HCAR3: variants seen among roughly 807,000 people sequenced by gnomAD.
HCAR3 encodes hydroxycarboxylic acid receptor 3.
For missense variants in HCAR3, 404 were observed against 501.2 expected, an observed-to-expected ratio of 0.81 and a Z score of 1.85; for synonymous variants, 167 against 201.0, an observed-to-expected ratio of 0.83 and a Z score of 1.43.
Position 122,716,693 on chromosome 12 carries a change from C to T in HCAR3, c.45G>A (p.Lys15=), listed in dbSNP as rs374235993. 1 of 1,613,990 alleles carries T rather than the reference C, an allele frequency of 6.2e-7. No homozygotes were observed. The highest frequency in any genetic ancestry group is 8.5e-7 in the Non-Finnish European group (1 of 1,180,034). Residue 15 remains lysine, a synonymous_variant, in exon 1 of 1, where the codon AAG becomes AAA. Coordinates refer to ENST00000528880, the MANE Select transcript of HCAR3 (RefSeq NM_006018.3). ...HLQDHFLEID[K]KNCCVFRDDF... ...CATCTCGGAACACACAGCAGTTCTT[C>T]TTGTCTATTTCCAGAAAGTGATCCT...
chr12:122,716,239 A>T lies in HCAR3; in HGVS notation c.499T>A (p.Leu167Met), dbSNP rs754277119. 6.8e-6 allele frequency: 11 copies of T among 1,614,002 alleles called. No individual in the cohort carries two copies. In the East Asian group the frequency reaches 8.9e-5, roughly 13 times the overall value. The change falls in exon 1 of 1, where the codon TTG (leucine) becomes ATG (methionine). Residue 167 changes from leucine (L) to methionine (M), a missense_variant. Coordinates refer to ENST00000528880, the MANE Select transcript of HCAR3 (RefSeq NM_006018.3). ...GLTVHLLKKK[L>M]LIQNGTANVC... ...TTTGCAGTGCCATTCTGGATCAGCAACTTCTTCTTCAGGAGGTGGACTGTT... is the reference window on the plus strand; with the variant it reads ...TTTGCAGTGCCATTCTGGATCAGCATCTTCTTCTTCAGGAGGTGGACTGTT...
Position 122,716,195 on chromosome 12 carries a change from G to A in HCAR3, c.543C>T (p.Ser181=), listed in dbSNP as rs777311419. The A allele has an allele frequency of 3.1e-6, 5 of 1,614,024 alleles. No individual in the cohort carries two copies. Among genetic ancestry groups the A allele is most frequent in the Non-Finnish European group, 4.2e-6 (5 of 1,180,042 alleles). The change falls in exon 1 of 1, where the codon AGC becomes AGT. Residue 181 remains serine (S), a synonymous_variant. Coordinates refer to ENST00000528880, the MANE Select transcript of HCAR3 (RefSeq NM_006018.3). ...NGTANVCISF[S]ICHTFRWHEA... is the part of the protein sequence containing the mutation. The stretch of plus-strand genomic sequence containing the variant: ...CGTGCCACCGGAAGGTATGGCAGAT[G>A]CTGAAGCTGATGCACACATTTGCAG...
rs908747601 is a variant in HCAR3, at chr12:122,715,914, G to A, written c.824C>T (p.Ala275Val). The change falls in exon 1 of 1, where the codon GCG becomes GTG. Residue 275 changes from alanine (A) to valine (V), a missense_variant. By Grantham distance (64) the Ala-to-Val change is moderately conservative. Coordinates refer to ENST00000528880, the MANE Select transcript of HCAR3 (RefSeq NM_006018.3). Reference protein sequence around the residue: ...NCEVYRSVDLAFFITLSFTYM... With the variant: ...NCEVYRSVDLVFFITLSFTYM... ...GGTGAAGCTGAGAGTGATAAAGAAC[G>A]CCAGGTCCACCGAGCGGTACACTTC... 8.9e-6 allele frequency: 14 copies of A among 1,572,314 alleles called. No individual in the cohort carries two copies. In the African/African-American group the frequency reaches 1.4e-4, roughly 16 times the overall value.
Position 122,715,561 on chromosome 12 carries a change from GAGTCC to G in HCAR3, c.*8_*12del, listed in dbSNP as rs1877512429. 1.3e-6 allele frequency: 2 copies of G among 1,552,954 alleles called. No individual in the cohort carries two copies. Among genetic ancestry groups the G allele is most frequent in the African/African-American group, 2.8e-5 (2 of 72,490 alleles). On this transcript the variant is annotated 3_prime_UTR_variant, in exon 1 of 1. Coordinates refer to ENST00000528880, the MANE Select transcript of HCAR3 (RefSeq NM_006018.3). The stretch of plus-strand genomic sequence containing the variant: ...TGGAAGTTCCAGGAAATCTTAGGCC[GAGTCC>G]AGTGACATTACTCGATGCAACAGCC...
In HCAR3 at chr12:122,715,834, G is replaced by A. The variant is rs1026926386; in HGVS notation, c.904C>T (p.Pro302Ser). 64 of 1,596,500 alleles carry A rather than the reference G, an allele frequency of 4.0e-5. No individual in the cohort carries two copies. Among genetic ancestry groups the A allele is most frequent in the Non-Finnish European group, 5.0e-5 (59 of 1,169,246 alleles). The change falls in exon 1 of 1, where the codon CCC becomes TCC. Residue 302 changes from proline (P) to serine (S), a missense_variant. Coordinates refer to ENST00000528880, the MANE Select transcript of HCAR3 (RefSeq NM_006018.3). ...VVYYFSSPSF[P>S]NFFSTLINRC... ...TTGATCAAAGTGGAGAAGAAGTTGGGAAAGGATGGGCTGGAGAAGTAGTAC... is the reference window on the plus strand; with the variant it reads ...TTGATCAAAGTGGAGAAGAAGTTGGAAAAGGATGGGCTGGAGAAGTAGTAC...
At position 122,716,293 on chromosome 12, in the gene HCAR3, A is replaced by G; in HGVS notation, c.445T>C (p.Cys149Arg). ...ISNWTAAIIS[C>R]LLWGITVGLT... is the part of the protein sequence containing the mutation. ...CCAACAGTGATGCCCCACAGAAGGC[A>G]AGAGATGATGGCTGCTGTCCAATTG... The change falls in exon 1 of 1, where the codon TGC (cysteine) becomes CGC (arginine). Residue 149 changes from cysteine to arginine, a missense_variant. Physicochemically the swap from Cys to Arg is radical, Grantham distance 180. Coordinates refer to ENST00000528880, the MANE Select transcript of HCAR3 (RefSeq NM_006018.3). The G allele has an allele frequency of 2.5e-6, 4 of 1,614,140 alleles. No homozygotes were observed. The highest frequency in any genetic ancestry group is 1.6e-4 in the Middle Eastern group (1 of 6,062).
In HCAR3 at chr12:122,715,818, G is replaced by A. The variant is rs1289353996; in HGVS notation, c.920C>T (p.Thr307Ile). The A allele has an allele frequency of 1.3e-6, 2 of 1,599,552 alleles. No homozygotes were observed. Among genetic ancestry groups the A allele is most frequent in the South Asian group, 1.1e-5 (1 of 90,674 alleles). ...CCTCTGGAGGCAGCGGTTGATCAAA[G>A]TGGAGAAGAAGTTGGGAAAGGATGG... is the stretch of plus-strand genomic sequence containing the variant. ...SSPSFPNFFS[T>I]LINRCLQRKI... Residue 307 changes from threonine to isoleucine, a missense_variant, in exon 1 of 1, where the codon ACT becomes ATT. Transcript: ENST00000528880.
chr12:122,716,674 G>A lies in HCAR3; in HGVS notation c.64C>T (p.Arg22Ter), dbSNP rs756135211. 9.3e-6 allele frequency: 15 copies of A among 1,613,918 alleles called. No homozygotes were observed. The highest frequency in any genetic ancestry group is 1.2e-5 in the Non-Finnish European group (14 of 1,180,032). The change falls in exon 1 of 1, where the codon CGA becomes TGA. Residue 22 changes from arginine (R) to a stop codon, truncating the protein, a stop_gained. Transcript: ENST00000528880. LOFTEE classifies it low-confidence loss of function (END_TRUNC). ...AACACCTTGGCAATGAAGTCATCTC[G>A]GAACACACAGCAGTTCTTCTTGTCT... ...EIDKKNCCVF[R>*]DDFIAKVLPP...
chr12:122,715,848 G>A lies in HCAR3; in HGVS notation c.890C>T (p.Ser297Phe). The change falls in exon 1 of 1, where the codon TCC becomes TTC. Residue 297 changes from serine (S) to phenylalanine (F), a missense_variant. Ser to Phe is a radical substitution (Grantham distance 155). Transcript: ENST00000528880. ...SMLDPVVYYF[S>F]SPSFPNFFST... The stretch of plus-strand genomic sequence containing the variant: ...GAAGAAGTTGGGAAAGGATGGGCTG[G>A]AGAAGTAGTACACCACGGGGTCCAG... 3.1e-6 allele frequency: 5 copies of A among 1,594,078 alleles called. No homozygotes were observed. The highest frequency in any genetic ancestry group is 4.3e-6 in the Non-Finnish European group (5 of 1,167,428).
Position 122,715,835 on chromosome 12 carries a change from A to G in HCAR3, c.903T>C (p.Phe301=). 1 of 1,596,804 alleles carries G rather than the reference A, an allele frequency of 6.3e-7. No homozygotes were observed. Residue 301 remains phenylalanine (F), a synonymous_variant, in exon 1 of 1, where the codon TTT becomes TTC. Coordinates refer to ENST00000528880, the MANE Select transcript of HCAR3 (RefSeq NM_006018.3). ...PVVYYFSSPS[F]PNFFSTLINR... is the part of the protein sequence containing the mutation. ...TGATCAAAGTGGAGAAGAAGTTGGGAAAGGATGGGCTGGAGAAGTAGTACA... is the reference window on the plus strand; with the variant it reads ...TGATCAAAGTGGAGAAGAAGTTGGGGAAGGATGGGCTGGAGAAGTAGTACA...
rs3825148 is a variant in HCAR3, at chr12:122,716,473, G to T, written c.265C>A (p.Arg89=). Reference sequence around the variant, plus strand: ...TCCCCAAACTTCCAGTCTGAACGCCGCACATAGTAGTCCATCACGAACGGC... The same window carrying T: ...TCCCCAAACTTCCAGTCTGAACGCCTCACATAGTAGTCCATCACGAACGGC... ...CLPFVMDYYV[R]RSDWKFGDIP... The change falls in exon 1 of 1, where the codon CGG becomes AGG. Residue 89 remains arginine (R), a synonymous_variant. Coordinates refer to ENST00000528880, the MANE Select transcript of HCAR3 (RefSeq NM_006018.3). The T allele has an allele frequency of 1.2e-5, 19 of 1,613,916 alleles. No homozygotes were observed. Among genetic ancestry groups the T allele is most frequent in the African/African-American group, 2.7e-5 (2 of 74,860 alleles).
Position 122,716,360 on chromosome 12 carries a change from A to G in HCAR3, c.378T>C (p.Tyr126=), listed in dbSNP as rs541577169. Residue 126 remains tyrosine, a synonymous_variant, in exon 1 of 1, where the codon TAT becomes TAC. Transcript: ENST00000528880. ...IFLTVVAVDR[Y]FRVVHPHHAL... ...CGTGGTGGGGATGGACCACCCGGAA[A>G]TACCTGTCTACCGCCACCACCGTGA... The G allele has an allele frequency of 6.2e-7, 1 of 1,613,960 alleles. No homozygotes were observed. Among genetic ancestry groups the G allele is most frequent in the East Asian group, 2.2e-5 (1 of 44,874 alleles).
In HCAR3 at chr12:122,714,764, A is replaced by G. The variant is rs1233659545; in HGVS notation, c.*810T>C. On this transcript the variant is annotated 3_prime_UTR_variant, in exon 1 of 1. Transcript: ENST00000528880. ...ATATAGCAACGCCAGACTGTCTCCT[A>G]TCAAAATTTATTGAAATGGTAGATT... 1 of 151,932 alleles carries G rather than the reference A, an allele frequency of 6.6e-6. No individual in the cohort carries two copies. Among genetic ancestry groups the G allele is most frequent in the East Asian group, 1.9e-4 (1 of 5,152 alleles). 9.4% of individuals were successfully genotyped at this position (151,932 alleles called of 1,614,324 possible). A position where few individuals can be genotyped will look rare whatever the true frequency, so the allele number is the denominator to read the frequency against.
rs756392547 is a variant in HCAR3 at position 122,716,231 on chromosome 12, G to T, written c.507C>A (p.Ile169=). The change falls in exon 1 of 1, where the codon ATC becomes ATA. Residue 169 remains isoleucine (I), a synonymous_variant. Transcript: ENST00000528880. ...TGCACACATTTGCAGTGCCATTCTG[G>T]ATCAGCAACTTCTTCTTCAGGAGGT... ...TVHLLKKKLL[I]QNGTANVCIS... The T allele has an allele frequency of 4.3e-6, 7 of 1,614,120 alleles. No individual in the cohort carries two copies. In the South Asian group the frequency reaches 4.4e-5, roughly 10 times the overall value.
In HCAR3 at chr12:122,716,472, C is replaced by T. The variant is rs376873756; in HGVS notation, c.266G>A (p.Arg89Gln). The T allele has an allele frequency of 9.9e-6, 16 of 1,613,924 alleles. No individual in the cohort carries two copies. Among genetic ancestry groups the T allele is most frequent in the Admixed American group, 1.7e-5 (1 of 59,990 alleles). ...CLPFVMDYYV[R>Q]RSDWKFGDIP... ...GTCCCCAAACTTCCAGTCTGAACGCCGCACATAGTAGTCCATCACGAACGG... is the reference window on the plus strand; with the variant it reads ...GTCCCCAAACTTCCAGTCTGAACGCTGCACATAGTAGTCCATCACGAACGG... Residue 89 changes from arginine (R) to glutamine (Q), a missense_variant, in exon 1 of 1, where the codon CGG becomes CAG. Transcript: ENST00000528880.
Position 122,716,473 on chromosome 12 carries a change from G to C in HCAR3, c.265C>G (p.Arg89Gly), listed in dbSNP as rs3825148. The change falls in exon 1 of 1, where the codon CGG (arginine) becomes GGG (glycine). Residue 89 changes from arginine to glycine, a missense_variant. Physicochemically the swap from Arg to Gly is moderately radical, Grantham distance 125. Coordinates refer to ENST00000528880, the MANE Select transcript of HCAR3 (RefSeq NM_006018.3). ...TCCCCAAACTTCCAGTCTGAACGCC[G>C]CACATAGTAGTCCATCACGAACGGC... ...CLPFVMDYYV[R>G]RSDWKFGDIP... 1.9e-6 allele frequency: 3 copies of C among 1,613,916 alleles called. No individual in the cohort carries two copies. Among genetic ancestry groups the C allele is most frequent in the Non-Finnish European group, 2.5e-6 (3 of 1,180,016 alleles).
Position 122,716,355 on chromosome 12 carries a change from C to G in HCAR3, c.383G>C (p.Arg128Pro). The change falls in exon 1 of 1, where the codon CGG becomes CCG. Residue 128 changes from arginine (R) to proline (P), a missense_variant. Transcript: ENST00000528880. Reference sequence around the variant, plus strand: ...CAGGGCGTGGTGGGGATGGACCACCCGGAAATACCTGTCTACCGCCACCAC... The same window carrying G: ...CAGGGCGTGGTGGGGATGGACCACCGGGAAATACCTGTCTACCGCCACCAC... ...LTVVAVDRYF[R>P]VVHPHHALNK... The G allele has an allele frequency of 6.2e-7, 1 of 1,614,010 alleles. No individual in the cohort carries two copies. The highest frequency in any genetic ancestry group is 8.5e-7 in the Non-Finnish European group (1 of 1,179,990).
Position 122,716,550 on chromosome 12 carries a change from C to T in HCAR3, c.188G>A (p.Arg63Gln), listed in dbSNP as rs576709985. The change falls in exon 1 of 1, where the codon CGG becomes CAG. Residue 63 changes from arginine (R) to glutamine (Q), a missense_variant. By Grantham distance (43) the Arg-to-Gln change is conservative. Coordinates refer to ENST00000528880, the MANE Select transcript of HCAR3 (RefSeq NM_006018.3). Reference protein sequence around the residue: ...CFHLKSWKSSRIFLFNLAVAD... With the variant: ...CFHLKSWKSSQIFLFNLAVAD... ...TACTGCCAGGTTGAACAGGAAAATC[C>T]GGCTGGATTTCCAGGACTTGAGGTG... 3.0e-5 allele frequency: 49 copies of T among 1,614,080 alleles called. No homozygotes were observed. The highest frequency in any genetic ancestry group is 1.1e-4 in the African/African-American group (8 of 75,016).
Position 122,716,521 on chromosome 12 carries a change from C to G in HCAR3, c.217G>C (p.Asp73His), listed in dbSNP as rs1209632374. 2 of 1,614,108 alleles carry G rather than the reference C, an allele frequency of 1.2e-6. No homozygotes were observed. The highest frequency in any genetic ancestry group is 2.2e-5 in the South Asian group (2 of 91,074). ...RIFLFNLAVA[D>H]FLLIICLPFV... ...GGCAGGCAGATGATCAGTAGAAAGT[C>G]AGCTACTGCCAGGTTGAACAGGAAA... Residue 73 changes from aspartate (D) to histidine (H), a missense_variant, in exon 1 of 1, where the codon GAC (aspartate) becomes CAC (histidine). Physicochemically the swap from Asp to His is moderately conservative, Grantham distance 81. Coordinates refer to ENST00000528880, the MANE Select transcript of HCAR3 (RefSeq NM_006018.3).
Sources: gnomAD v4.1 joint callset for allele counts on GRCh38, gnomAD v4.1.1 for gene constraint, MANE v1.5 for transcripts, NCBI Gene and HGNC (gene_info 2026-07-23, HGNC 2026-07-21) for gene names.